Variants in PRKCH observed in about 807,000 individuals in gnomAD.
The protein encoded by PRKCH is protein kinase C eta, also known as protein kinase C eta type.
In PRKCH, 28 loss-of-function variants were observed where a neutral mutation model predicts 82.5. The observed-to-expected ratio is 0.34, with a 90% CI of 0.25 to 0.47. The LOEUF is 0.47. Among genes scored for constraint, PRKCH ranks in the 20% least tolerant of loss-of-function variants. PRKCH has a pLI of 1.00. For missense variants in PRKCH, 705 were observed against 881.8 expected, an observed-to-expected ratio of 0.80 and a Z score of 2.54; for synonymous variants, 322 against 327.4, an observed-to-expected ratio of 0.98 and a Z score of 0.18.
At chr14:61,233,533 A>G (rs1191725852) in intron 1 of PRKCH, among the ~76,000 whole-genome samples, 1 of 152,232 alleles carries the variant, frequency 6.6e-6, no homozygotes, top group Non-Finnish European at 1.5e-5. Flanking sequence ...AATTAATACA[A>G]TATTGAAGGA....
chr14:61,399,232 C>T (rs980603330), intron 2 of PRKCH, among the ~76,000 whole-genome samples: 74 of 152,192 alleles, frequency 4.9e-4, no homozygotes, highest in Non-Finnish European at 2.1e-4. Flanking sequence ...TCTACTTTTG[C>T]ATGTATTTGA....
At chr14:61,285,364 T>A (rs192938453) in intron 1 of PRKCH, among the ~76,000 whole-genome samples, 1 of 152,232 alleles carries the variant, frequency 6.6e-6, no homozygotes, top group Non-Finnish European at 1.5e-5. Flanking sequence ...GGGGAAAGAA[T>A]GCTGGCCGGA....
At chr14:61,516,179 T>C (rs2042826811) in intron 10 of PRKCH, among the ~76,000 whole-genome samples, 1 of 152,038 alleles carries the variant, frequency 6.6e-6, no homozygotes, top group Non-Finnish European at 1.5e-5. Flanking sequence ...GGGAAGCAGA[T>C]TGAGGGAGGC....
Position 61,530,868 on chromosome 14 carries a change from C to T in PRKCH, c.1761+273C>T, listed in dbSNP as rs142808461. On this transcript the variant is annotated intron_variant, in intron 12 of 13. Transcript: ENST00000332981. ...CAAATAGCAAGTATTTCTAGCACTT[C>T]GTAACTTTAGTTGAGGGCAGGTGAT... Among the ~76,000 whole-genome samples the T allele has an allele frequency of 1.8e-4, 27 of 152,320 alleles. No homozygotes were observed. In the East Asian group the frequency reaches 4.4e-3, roughly 25 times the overall value.
chr14:61,200,686 A>T (rs1484803536), intron 1 of PRKCH, among the ~76,000 whole-genome samples: 4 of 152,136 alleles, frequency 2.6e-5, no homozygotes, highest in Admixed American at 2.6e-4. Context: ...CATGGTCTGA[A>T]AATATTACAT....
At position 61,280,283 on chromosome 14, in the gene PRKCH, A is replaced by G; in HGVS notation, c.-19+92615A>G. 1 of 1,613,984 alleles carries G rather than the reference A, an allele frequency of 6.2e-7. No homozygotes were observed. Among genetic ancestry groups the G allele is most frequent in the Non-Finnish European group, 8.5e-7 (1 of 1,179,984 alleles). ...CCGAACGCGCGCACCGGGTAGTTGTAGGTGATGTTGACGCGGTAGGCGCCC... is the reference window on the plus strand; with the variant it reads ...CCGAACGCGCGCACCGGGTAGTTGTGGGTGATGTTGACGCGGTAGGCGCCC... On this transcript the variant is annotated intron_variant, in intron 1 of 3. Transcript: ENST00000555185. This position sits in a 1 kb window ranked among gnomAD's most constrained non-coding sequence, Gnocchi z 5.0.
rs202024443 is a variant in PRKCH, at chr14:61,288,239, G to GA, written c.-19+100579dup. Reference sequence around the variant, plus strand: ...TTCATTTCTTCCCCCAGAACCACCGGAAAAAAAACTAAATACAAATTAAAT... The same window carrying GA: ...TTCATTTCTTCCCCCAGAACCACCGGAAAAAAAAACTAAATACAAATTAAAT... On this transcript the variant is annotated intron_variant, in intron 1 of 3. Coordinates refer to the PRKCH transcript ENST00000555185. Among the ~76,000 whole-genome samples, 1,201 of 151,280 alleles carry GA rather than the reference G, an allele frequency of 7.9e-3. 13 individuals carry two copies. The highest frequency in any genetic ancestry group is 0.028 in the African/African-American group (1,137 of 41,212).
intron 1 of PRKCH, among the ~76,000 whole-genome samples, chr14:61,284,510 G>A (rs534295395): frequency 4.5e-4 from 69 of 152,304 alleles, no homozygotes; most frequent in African/African-American, 1.6e-3. Context: ...AGGTGAAGCT[G>A]TACCAAGGTC....
At chr14:61,380,075 T>C (rs1215298868) in intron 1 of PRKCH, among the ~76,000 whole-genome samples, 4 of 152,080 alleles carry the variant, frequency 2.6e-5, no homozygotes, top group African/African-American at 9.7e-5. Flanking sequence ...TTTGTTTTAT[T>C]ATGGGGTTTC....
At chr14:61,455,032 A>AT (rs60420757) in intron 7 of PRKCH, among the ~76,000 whole-genome samples, 9,161 of 142,228 alleles carry the variant, frequency 0.064, 633 homozygotes, top group East Asian at 0.25. Flanking sequence ...TTCATTGACA[A>AT]TTTTTTTTTT....
At chr14:61,240,614 C>T (rs904536141) in intron 1 of PRKCH, among the ~76,000 whole-genome samples, 11 of 151,968 alleles carry the variant, frequency 7.2e-5, no homozygotes, top group East Asian at 3.9e-4. Context: ...GGAAATGGTT[C>T]GGGGGTTGCT....
chr14:61,466,096 C>T (rs552510396), intron 9 of PRKCH, among the ~76,000 whole-genome samples: 89 of 152,224 alleles, frequency 5.8e-4, no homozygotes, highest in African/African-American at 2.0e-3. Flanking sequence ...TTGGCAGACC[C>T]GTTCCCCTCC....
intron 12 of PRKCH, among the ~76,000 whole-genome samples, chr14:61,535,248 A>G (rs890022067): frequency 3.9e-5 from 6 of 152,230 alleles, no homozygotes; most frequent in Non-Finnish European, 8.8e-5. Context: ...GAGTGAGGCA[A>G]ACATGATCCT....
At chr14:61,220,859 T>G (rs955010688) in intron 1 of PRKCH, among the ~76,000 whole-genome samples, 2 of 152,208 alleles carry the variant, frequency 1.3e-5, no homozygotes, top group Non-Finnish European at 2.9e-5. Context: ...ATTTAAAGTT[T>G]AATTTTTATT....
At chr14:61,222,291 G>T (rs931123738) in intron 1 of PRKCH, among the ~76,000 whole-genome samples, 1 of 152,168 alleles carries the variant, frequency 6.6e-6, no homozygotes, top group African/African-American at 2.4e-5. Flanking sequence ...ATTCTTGGTT[G>T]CTCAGTGTCT....
intron 1 of PRKCH, among the ~76,000 whole-genome samples, chr14:61,362,008 G>A (rs970360703): frequency 2.0e-5 from 3 of 152,268 alleles, no homozygotes; most frequent in African/African-American, 7.2e-5. Flanking sequence ...TGTTTTAATA[G>A]CAAATTCCTT....
At chr14:61,477,772 C>T (rs1885790283) in intron 9 of PRKCH, among the ~76,000 whole-genome samples, 1 of 152,206 alleles carries the variant, frequency 6.6e-6, no homozygotes, top group South Asian at 2.1e-4. Flanking sequence ...CGGTCAAGGC[C>T]ATTACCATAT....
intron 1 of PRKCH, chr14:61,281,202 G>GGCGCCTCCCTCTCCGCGCC (rs1159113264): frequency 2.0e-5 from 23 of 1,128,956 alleles, no homozygotes; most frequent in Non-Finnish European, 2.5e-5. Context: ...CCCGCCGCGG[G>GGCGCCTCCCTCTCCGCGCC]GCGCCTCCCT....
chr14:61,316,950 G>A (rs1395493394), upstream of PRKCH, among the ~76,000 whole-genome samples: 1 of 152,152 alleles, frequency 6.6e-6, no homozygotes, highest in Non-Finnish European at 1.5e-5. Context: ...AGAGGGGGAA[G>A]GAAGGAGACA....
Sources: allele counts gnomAD v4.1 joint callset (sites outside exome capture counted in the v4.1 genomes callset), GRCh38; gene constraint gnomAD v4.1.1; non-coding constraint Gnocchi (gnomAD v3.1); transcripts MANE v1.5; gene names NCBI Gene and HGNC (gene_info 2026-07-23, HGNC 2026-07-21).